Variants in CDYL2 observed in about 807,000 individuals in gnomAD.
CDYL2 encodes chromodomain Y like 2, also known as chromodomain Y-like protein 2.
A neutral mutation model predicts 49.4 loss-of-function variants in CDYL2; 23 were observed. The observed-to-expected ratio is 0.47, with a 90% confidence interval of 0.34 to 0.66. CDYL2 has a LOEUF of 0.66. Among genes scored for constraint, CDYL2 ranks in the 30% least tolerant of loss-of-function variants. The pLI, the probability that CDYL2 is intolerant of heterozygous loss-of-function variation, is 0.01. For synonymous variants in CDYL2, 360 were observed against 268.8 expected, an observed-to-expected ratio of 1.34 and a Z score of -3.32; for missense variants, 678 against 656.4, an observed-to-expected ratio of 1.03 and a Z score of -0.36.
intron 1 of CDYL2, among the ~76,000 whole-genome samples, chr16:80,713,265 G>A (rs924347215): frequency 6.6e-5 from 10 of 152,212 alleles, no homozygotes; most frequent in East Asian, 3.9e-4. Flanking sequence ...GTAGCTGGAT[G>A]AAGTTACAAA....
intron 1 of CDYL2, among the ~76,000 whole-genome samples, chr16:80,698,268 T>G (rs1258108617): frequency 6.6e-6 from 1 of 152,108 alleles, no homozygotes; most frequent in Non-Finnish European, 1.5e-5. Context: ...TATGTCAAAC[T>G]AAAAAGCTTC....
chr16:80,769,366 T>A (rs560070846), intron 1 of CDYL2, among the ~76,000 whole-genome samples: 1 of 152,372 alleles, frequency 6.6e-6, no homozygotes, highest in East Asian at 1.9e-4. Context: ...GCACTCACTA[T>A]ATGCAAGTAA....
chr16:80,697,042 G>A (rs1487445912), intron 1 of CDYL2, among the ~76,000 whole-genome samples: 1 of 152,146 alleles, frequency 6.6e-6, no homozygotes, highest in Admixed American at 6.5e-5. Flanking sequence ...ATGATAAACT[G>A]AAGGGGAGGG....
chr16:80,663,702 C>A (rs1909143552), intron 2 of CDYL2, among the ~76,000 whole-genome samples: 1 of 152,078 alleles, frequency 6.6e-6, no homozygotes, highest in African/African-American at 2.4e-5. Flanking sequence ...AAGTGATTCT[C>A]CTGCCTCAGC....
In CDYL2 at chr16:80,600,818, A is replaced by G. The variant is rs550720659; in HGVS notation, c.*3570T>C. ...AGTTTACAAAATTTTTAAAACCAAA[A>G]ATTAATGGGAAATGCAATTCAGCAT... On this transcript the variant is annotated 3_prime_UTR_variant, in exon 7 of 7. Transcript: ENST00000570137. 4 of 152,318 alleles carry G rather than the reference A, an allele frequency of 2.6e-5. No homozygotes were observed. The South Asian group carries it at 8.3e-4, about 32-fold the overall frequency. 9.4% of individuals were successfully genotyped at this position (152,318 alleles called of 1,614,324 possible). A position where few individuals can be genotyped will look rare whatever the true frequency, so the allele number is the denominator to read the frequency against.
At chr16:80,607,114 C>T (rs544173791) in intron 6 of CDYL2, among the ~76,000 whole-genome samples, 3 of 152,276 alleles carry the variant, frequency 2.0e-5, no homozygotes, top group African/African-American at 7.2e-5. Context: ...AGAGAATCCA[C>T]GTGAAGAGAT....
chr16:80,739,429 A>C (rs1314369340), intron 1 of CDYL2, among the ~76,000 whole-genome samples: 1 of 152,228 alleles, frequency 6.6e-6, no homozygotes, highest in African/African-American at 2.4e-5. Flanking sequence ...GTATTTTATC[A>C]CAATCTAAAA....
At chr16:80,771,771 T>G (rs1404076496) in intron 1 of CDYL2, among the ~76,000 whole-genome samples, 1 of 152,010 alleles carries the variant, frequency 6.6e-6, no homozygotes, top group Non-Finnish European at 1.5e-5. Flanking sequence ...AGCAGATTTC[T>G]AGAAGTAAAA....
chr16:80,644,794 C>G (rs4536490), intron 2 of CDYL2, among the ~76,000 whole-genome samples: 81,319 of 151,930 alleles, frequency 0.54, 24,730 homozygotes, highest in African/African-American at 0.83. Context: ...AACAGAGATA[C>G]AGACCAATGG....
chr16:80,662,430 T>C (rs926531102), intron 2 of CDYL2, among the ~76,000 whole-genome samples: 2 of 152,166 alleles, frequency 1.3e-5, no homozygotes, highest in African/African-American at 4.8e-5. Context: ...GGATATCTCT[T>C]CTGCACATTC....
intron 1 of CDYL2, among the ~76,000 whole-genome samples, chr16:80,695,663 C>G (rs966847715): frequency 6.6e-6 from 1 of 152,022 alleles, no homozygotes; most frequent in Non-Finnish European, 1.5e-5. Flanking sequence ...TAAAGGAGGT[C>G]ATTATATAAT....
intron 1 of CDYL2, among the ~76,000 whole-genome samples, chr16:80,759,111 TATA>T (rs1370049537): frequency 9.0e-6 from 1 of 110,646 alleles, no homozygotes; most frequent in East Asian, 2.7e-4. Flanking sequence ...ACTATATATA[TATA>T]TATATATATA....
intron 1 of CDYL2, among the ~76,000 whole-genome samples, chr16:80,794,000 G>A (rs1907689536): frequency 6.6e-6 from 1 of 152,108 alleles, no homozygotes; most frequent in Admixed American, 6.5e-5. Context: ...TATCGGGTGT[G>A]GTTTGACCAT....
chr16:80,606,176 G>C (rs1338348780), intron 6 of CDYL2, among the ~76,000 whole-genome samples: 1 of 152,218 alleles, frequency 6.6e-6, no homozygotes, highest in African/African-American at 2.4e-5. Context: ...CAGGTGGTGG[G>C]ATGAGCTGCC....
chr16:80,719,623 G>A (rs974306253), intron 1 of CDYL2, among the ~76,000 whole-genome samples: 11 of 152,192 alleles, frequency 7.2e-5, no homozygotes, highest in Non-Finnish European at 1.5e-5. Context: ...AGACAAACAA[G>A]TATCTGTACC....
intron 1 of CDYL2, among the ~76,000 whole-genome samples, chr16:80,732,919 C>G (rs963897841): frequency 1.3e-5 from 2 of 152,160 alleles, no homozygotes; most frequent in Non-Finnish European, 2.9e-5. Flanking sequence ...CATAAACACA[C>G]ATCTATTATT....
At chr16:80,768,168 A>T (rs1464373087) in intron 1 of CDYL2, among the ~76,000 whole-genome samples, 1 of 152,206 alleles carries the variant, frequency 6.6e-6, no homozygotes, top group Non-Finnish European at 1.5e-5. Context: ...TAGTAAGTCA[A>T]ACAGCCACAC....
At chr16:80,611,632 C>A (rs1906600957) in intron 5 of CDYL2, among the ~76,000 whole-genome samples, 1 of 152,222 alleles carries the variant, frequency 6.6e-6, no homozygotes, top group African/African-American at 2.4e-5. Flanking sequence ...GTGGAACCAG[C>A]CAGTTCGTGC....
chr16:80,650,167 C>G (rs965990274), intron 2 of CDYL2, among the ~76,000 whole-genome samples: 17 of 152,074 alleles, frequency 1.1e-4, no homozygotes, highest in African/African-American at 3.6e-4. Flanking sequence ...AAACAATCAA[C>G]AAAGTGAAGA....
Sources: allele counts gnomAD v4.1 joint callset (sites outside exome capture counted in the v4.1 genomes callset), GRCh38; gene constraint gnomAD v4.1.1; transcripts MANE v1.5; gene names NCBI Gene and HGNC (gene_info 2026-07-23, HGNC 2026-07-21).